The following NHS variants were observed in gnomAD, a reference collection of about 807,000 sequenced individuals.
NHS encodes NHS actin remodeling regulator.
NHS carries 5 observed loss-of-function variants against 72.5 expected under a neutral mutation model. The ratio of observed to expected loss-of-function variants is 0.07; its 90% CI spans 0.04 to 0.14. The LOEUF is 0.14. NHS is among the 10% of genes least tolerant of loss of function. The pLI, the probability that NHS is intolerant of heterozygous loss-of-function variation, is 1.00. For missense variants in NHS, 1,072 were observed against 1,355.7 expected (o/e 0.79, Z 3.29); for synonymous variants, 464 against 547.7 (o/e 0.85, Z 2.13).
At chrX:17,394,246 G>A (rs2064461261) in intron 1 of NHS, among the ~76,000 whole-genome samples, 1 of 111,717 alleles carries the variant, frequency 9.0e-6, no homozygotes. Context: ...AAAAATGGTC[G>A]TGAAAAGCCC....
At chrX:17,611,732 A>G (rs2065712273) in intron 1 of NHS, among the ~76,000 whole-genome samples, 1 of 110,997 alleles carries the variant, frequency 9.0e-6, no homozygotes, top group South Asian at 3.9e-4. Flanking sequence ...CTCAGAGAAG[A>G]GATGAGGGAG....
intron 3 of NHS, among the ~76,000 whole-genome samples, chrX:17,699,325 C>T (rs1450669271): frequency 2.7e-5 from 3 of 111,740 alleles, no homozygotes; most frequent in Non-Finnish European, 5.6e-5. Flanking sequence ...TCTATAATTA[C>T]AATATTGTGG....
intron 3 of NHS, among the ~76,000 whole-genome samples, chrX:17,706,145 T>C (rs942158775): frequency 9.0e-6 from 1 of 111,005 alleles, no homozygotes; most frequent in Non-Finnish European, 1.9e-5. Flanking sequence ...TGAGCCATGA[T>C]TGCACCACTG....
chrX:17,438,465 T>G (rs2064735132), intron 1 of NHS, among the ~76,000 whole-genome samples: 1 of 111,822 alleles, frequency 8.9e-6, no homozygotes, highest in Non-Finnish European at 1.9e-5. Context: ...TTCTCATCTT[T>G]AAAGGAGGTG....
chrX:17,525,718 G>A (rs1211602701), intron 1 of NHS, among the ~76,000 whole-genome samples: 2 of 99,411 alleles, frequency 2.0e-5, no homozygotes, highest in Admixed American at 2.3e-4. Flanking sequence ...AGTGGGCCTA[G>A]AATATTAAGT....
intron 1 of NHS, among the ~76,000 whole-genome samples, chrX:17,685,967 C>A (rs1380884120): frequency 1.8e-5 from 2 of 112,028 alleles, no homozygotes; most frequent in East Asian, 5.6e-4. Flanking sequence ...TGTGTTCCAA[C>A]ACCTAGCACC....
chrX:17,718,941 G>T (rs768991529), intron 3 of NHS, among the ~76,000 whole-genome samples: 1 of 92,592 alleles, frequency 1.1e-5, no homozygotes, highest in Non-Finnish European at 2.2e-5. Flanking sequence ...AAAGAGGAAG[G>T]AAGGAAGAAG....
chrX:17,428,098 A>G (rs1011914907), intron 1 of NHS, among the ~76,000 whole-genome samples: 6 of 112,513 alleles, frequency 5.3e-5, no homozygotes, highest in Admixed American at 9.4e-5. Context: ...GTATATCTTC[A>G]TTAAAACCTT....
chrX:17,718,333 G>C (rs1030300094), intron 3 of NHS, among the ~76,000 whole-genome samples: 8 of 71,109 alleles, frequency 1.1e-4, no homozygotes, highest in Non-Finnish European at 2.0e-4. Context: ...GGAAGGAAAG[G>C]AAGGAGGGAG....
chrX:17,427,421 A>G (rs1039301110), intron 1 of NHS, among the ~76,000 whole-genome samples: 7 of 112,354 alleles, frequency 6.2e-5, no homozygotes, highest in African/African-American at 2.3e-4. Flanking sequence ...GCACCAACTC[A>G]TGCCGCTGTT....
chrX:17,555,979 CAG>C (rs1163952397), intron 1 of NHS, among the ~76,000 whole-genome samples: 1 of 112,337 alleles, frequency 8.9e-6, no homozygotes, highest in Non-Finnish European at 1.9e-5. Flanking sequence ...GTAAAGAAAA[CAG>C]AGATTAGATT....
chrX:17,400,093 G>A (rs1341837671), intron 1 of NHS, among the ~76,000 whole-genome samples: 5 of 111,243 alleles, frequency 4.5e-5, no homozygotes, highest in African/African-American at 1.6e-4. Flanking sequence ...AAGAAATAAA[G>A]GCATCCAATT....
At chrX:17,507,384 G>A (rs1465241744) in intron 1 of NHS, among the ~76,000 whole-genome samples, 5 of 111,243 alleles carry the variant, frequency 4.5e-5, no homozygotes, top group South Asian at 3.8e-4. Context: ...CACCTTTCCC[G>A]CCCTTCACTT....
chrX:17,432,053 ATC>A (rs1412706898), intron 1 of NHS, among the ~76,000 whole-genome samples: 1 of 112,400 alleles, frequency 8.9e-6, no homozygotes, highest in Non-Finnish European at 1.9e-5. Flanking sequence ...ATTCAAGACC[ATC>A]CGTGATTTAG....
chrX:17,399,102 T>C (rs1288979596), intron 1 of NHS, among the ~76,000 whole-genome samples: 1 of 111,098 alleles, frequency 9.0e-6, no homozygotes. Flanking sequence ...TTTCTCTTTT[T>C]TCTTTTCTTT....
intron 1 of NHS, among the ~76,000 whole-genome samples, chrX:17,516,128 A>C (rs1387557933): frequency 2.7e-4 from 30 of 110,950 alleles, no homozygotes; most frequent in Non-Finnish European, 5.5e-4. Flanking sequence ...TGAACATGTG[A>C]TCACTATAAA....
intron 1 of NHS, among the ~76,000 whole-genome samples, chrX:17,620,014 C>T (rs1194971744): frequency 9.0e-6 from 1 of 110,705 alleles, no homozygotes; most frequent in East Asian, 2.8e-4. Flanking sequence ...GTGCCTGACA[C>T]ATACACATTG....
intron 1 of NHS, among the ~76,000 whole-genome samples, chrX:17,600,996 G>A (rs976364409): frequency 2.7e-5 from 3 of 111,989 alleles, no homozygotes; most frequent in African/African-American, 9.8e-5. Flanking sequence ...CAATTTGTCA[G>A]ACTGGTTTCA....
chrX:17,541,934 G>A (rs1206566711), intron 1 of NHS, among the ~76,000 whole-genome samples: 1 of 111,683 alleles, frequency 9.0e-6, no homozygotes. Context: ...CTTTGCTGGA[G>A]ACCTTCGCCT....
Sources: allele counts gnomAD v4.1 joint callset (sites outside exome capture counted in the v4.1 genomes callset), GRCh38; gene constraint gnomAD v4.1.1; transcripts MANE v1.5; gene names NCBI Gene and HGNC (gene_info 2026-07-23, HGNC 2026-07-21).